The following MRRF variants were observed in gnomAD, a reference collection of about 807,000 sequenced individuals.
MRRF encodes mitochondrial ribosome recycling factor.
In MRRF, 18 loss-of-function variants were observed where a neutral mutation model predicts 25.1. The observed-to-expected ratio is 0.72, with a 90% CI of 0.50 to 1.06. The LOEUF is 1.06. MRRF is among the 50% of genes least tolerant of loss of function. The pLI is 0.00. For synonymous variants in MRRF, 113 were observed against 112.1 expected (o/e 1.01, Z -0.05); for missense variants, 323 against 319.3 (o/e 1.01, Z -0.09).
intron 2 of MRRF, among the ~76,000 whole-genome samples, chr9:122,271,546 C>T (rs188996474): frequency 1.3e-5 from 2 of 152,340 alleles, no homozygotes; most frequent in Admixed American, 1.3e-4. Context: ...CAGGTCTCAG[C>T]TTAAATGCTA....
rs563602060 is a variant in MRRF, at chr9:122,297,181, C to T, written c.551+5341C>T. Among the ~76,000 whole-genome samples, 11 of 152,222 alleles carry T rather than the reference C, an allele frequency of 7.2e-5. No individual in the cohort carries two copies. In the South Asian group the frequency reaches 8.3e-4, roughly 11 times the overall value. On this transcript the variant is annotated intron_variant, in intron 5 of 6. Transcript: ENST00000344641. Reference sequence around the variant, plus strand: ...TACAAAAATTAGCTGGGCATGGTGGCGTGCGCCTGTAATCCCAGCTACTCA... The same window carrying T: ...TACAAAAATTAGCTGGGCATGGTGGTGTGCGCCTGTAATCCCAGCTACTCA...
At chr9:122,273,875 AT>A (rs1488428282) in intron 2 of MRRF, among the ~76,000 whole-genome samples, 1 of 152,078 alleles carries the variant, frequency 6.6e-6, no homozygotes, top group African/African-American at 2.4e-5. Flanking sequence ...GTGCATTTTT[AT>A]TTTTTTAATG....
chr9:122,280,303 T>G, intron 2 of MRRF, 140 bp from the exon 3 acceptor site: 1 of 922,488 alleles, frequency 1.1e-6, no homozygotes, highest in South Asian at 1.5e-5. Context: ...ATATAGGCTC[T>G]TTTTTAGTGG....
rs1836154589 is a variant in MRRF, at chr9:122,326,766, G to A, written c.*4149G>A. Reference sequence around the variant, plus strand: ...CTACAGTCGGCCAGGTTCCATGCTAGACCCTTTACACGTGTTCCCACATTG... The same window carrying A: ...CTACAGTCGGCCAGGTTCCATGCTAAACCCTTTACACGTGTTCCCACATTG... On this transcript the variant is annotated 3_prime_UTR_variant, in exon 7 of 7. Coordinates refer to ENST00000344641, the MANE Select transcript of MRRF (RefSeq NM_138777.5). 6.6e-6 allele frequency: 1 copy of A among 152,120 alleles called. No individual in the cohort carries two copies. 9.4% of individuals were successfully genotyped at this position (152,120 alleles called of 1,614,324 possible). A position where few individuals can be genotyped will look rare whatever the true frequency, so the allele number is the denominator to read the frequency against.
intron 4 of MRRF, among the ~76,000 whole-genome samples, chr9:122,288,097 ATTTG>A (rs1833521958): frequency 6.6e-6 from 1 of 152,118 alleles, no homozygotes; most frequent in Non-Finnish European, 1.5e-5. Flanking sequence ...ACTGTGTTGC[ATTTG>A]TTTAACATGT....
At chr9:122,308,860 AC>A (rs762013575) in intron 5 of MRRF, among the ~76,000 whole-genome samples, 26 of 152,054 alleles carry the variant, frequency 1.7e-4, no homozygotes, top group Non-Finnish European at 3.5e-4. Context: ...ATACCATGAC[AC>A]CTGGCTAATT....
At position 122,271,001 on chromosome 9, in the gene MRRF, GACA is replaced by G. The variant is rs758902181; in HGVS notation, c.114_116del (p.Gln38del). On this transcript the variant is annotated inframe_deletion, in exon 2 of 7. Coordinates refer to ENST00000344641, the MANE Select transcript of MRRF (RefSeq NM_138777.5). ...GTTACACTGAAGACAGTGCATGAAAGACAACATGGCCATAGGCAATACATGGCC... is the reference window on the plus strand; with the variant it reads ...GTTACACTGAAGACAGTGCATGAAAGACATGGCCATAGGCAATACATGGCC... 2.5e-6 allele frequency: 4 copies of G among 1,614,158 alleles called. No individual in the cohort carries two copies. The highest frequency in any genetic ancestry group is 3.4e-6 in the Non-Finnish European group (4 of 1,180,020).
intron 4 of MRRF, chr9:122,285,647 C>A: frequency 1.4e-6 from 1 of 698,440 alleles, no homozygotes; most frequent in Non-Finnish European, 2.1e-6. Flanking sequence ...CATTGCCAGG[C>A]ACAATGTAGG....
At position 122,330,518 on chromosome 9, in the gene MRRF, T is replaced by A. The variant is rs1588102454; in HGVS notation, c.*7901T>A. The stretch of plus-strand genomic sequence containing the variant: ...TACTCCCCAGGCCTCCTCTTCCTGA[T>A]AATAATAGTGGCTAACAAGTTTTAC... On this transcript the variant is annotated 3_prime_UTR_variant, in exon 7 of 7. Transcript: ENST00000344641. This position sits in a 1 kb window ranked among gnomAD's most constrained non-coding sequence, Gnocchi z 4.2. The A allele has an allele frequency of 6.6e-6, 1 of 152,258 alleles. No individual in the cohort carries two copies. The highest frequency in any genetic ancestry group is 2.4e-5 in the African/African-American group (1 of 41,460). The allele number at this position is 152,258 out of a possible 1,614,324, so 9.4% of individuals were successfully genotyped here. A position where few individuals can be genotyped will look rare whatever the true frequency, so the allele number is the denominator to read the frequency against.
intron 6 of MRRF, among the ~76,000 whole-genome samples, chr9:122,317,532 A>G (rs144250895): frequency 0.015 from 2,234 of 152,292 alleles, 25 homozygotes; most frequent in Non-Finnish European, 0.023. Context: ...AAATTGTTTT[A>G]CATTCATTAG....
chr9:122,272,978 T>C (rs1832552173), intron 2 of MRRF, among the ~76,000 whole-genome samples: 1 of 152,228 alleles, frequency 6.6e-6, no homozygotes, highest in Non-Finnish European at 1.5e-5. Flanking sequence ...GAGCTGTTGA[T>C]TTTATTGAAC....
At chr9:122,278,133 A>G (rs1564476258) in intron 2 of MRRF, among the ~76,000 whole-genome samples, 2 of 151,056 alleles carry the variant, frequency 1.3e-5, no homozygotes, top group African/African-American at 4.9e-5. Context: ...AAATTTCTTT[A>G]TCCCTCTCTC....
rs765131163 is a variant in MRRF, at chr9:122,274,533, GGTGTGTGTGTGT to G, written c.184+3489_184+3500del. ...CTTGCCTGTAAAGTAATATGAATCT[GGTGTGTGTGTGT>G]GTGTGTGTGTGTGTGTGTGTGTGTG... On this transcript the variant is annotated intron_variant, in intron 2 of 6. Coordinates refer to ENST00000344641, the MANE Select transcript of MRRF (RefSeq NM_138777.5). 8.3e-3 allele frequency among the ~76,000 whole-genome samples: 1,172 copies of G among 140,634 alleles called. 8 individuals are homozygous for G. The highest frequency in any genetic ancestry group is 0.021 in the African/African-American group (769 of 37,288). 92.3% of individuals were successfully genotyped at this position (140,634 alleles called of 152,430 possible).
At chr9:122,286,162 A>G (rs1833394266) in intron 4 of MRRF, 27 of 1,285,230 alleles carry the variant, frequency 2.1e-5, no homozygotes, top group Non-Finnish European at 2.6e-5. Flanking sequence ...ATCTGCTAAT[A>G]TAAGGTGAAG....
At position 122,283,339 on chromosome 9, in the gene MRRF, C is replaced by T. The variant is rs181478235; in HGVS notation, c.341-1830C>T. 2.1e-3 allele frequency among the ~76,000 whole-genome samples: 324 copies of T among 152,146 alleles called. 1 individual carries two copies. The highest frequency in any genetic ancestry group is 7.5e-3 in the African/African-American group (311 of 41,502). On this transcript the variant is annotated intron_variant, in intron 3 of 6. Coordinates refer to ENST00000344641, the MANE Select transcript of MRRF (RefSeq NM_138777.5). ...CAAACTCCTGACCTCGTGATCCACC[C>T]GCCTCAGCCTCCCAAAGTGCTGGGA...
At chr9:122,313,117 C>T (rs1396940121) in intron 5 of MRRF, 110 bp from the exon 6 acceptor site, 1 of 1,149,518 alleles carries the variant, frequency 8.7e-7, no homozygotes, top group Non-Finnish European at 1.3e-6. Context: ...GTTCAGCCCA[C>T]AGAGAGGAAA....
In MRRF at chr9:122,327,692, G is replaced by A. The variant is rs189750040; in HGVS notation, c.*5075G>A. On this transcript the variant is annotated 3_prime_UTR_variant, in exon 7 of 7. Coordinates refer to ENST00000344641, the MANE Select transcript of MRRF (RefSeq NM_138777.5). ...GATTCTGCTTTGTGAAAGTACTGCTGTGTTGTTTTATACATAGCGCTCCAG... is the reference window on the plus strand; with the variant it reads ...GATTCTGCTTTGTGAAAGTACTGCTATGTTGTTTTATACATAGCGCTCCAG... The A allele has an allele frequency of 4.6e-5, 7 of 152,288 alleles. No individual in the cohort carries two copies. The highest frequency in any genetic ancestry group is 1.3e-4 in the Admixed American group (2 of 15,292). The allele number at this position is 152,288 out of a possible 1,614,324, so 9.4% of individuals were successfully genotyped here.
intron 1 of MRRF, among the ~76,000 whole-genome samples, chr9:122,269,087 A>G (rs1832291706): frequency 6.6e-6 from 1 of 150,424 alleles, no homozygotes; most frequent in Admixed American, 6.6e-5. Context: ...AATGGCGTGT[A>G]CCCGGGAGGC....
At chr9:122,280,300 C>T (rs1465905705) in intron 2 of MRRF, 143 bp from the exon 3 acceptor site, 10 of 867,826 alleles carry the variant, frequency 1.2e-5, no homozygotes, top group South Asian at 1.5e-5. Flanking sequence ...TTAATATAGG[C>T]TCTTTTTTAG....
Sources: gnomAD v4.1 joint callset for allele counts (sites outside exome capture counted in the v4.1 genomes callset) on GRCh38, gnomAD v4.1.1 for gene constraint, Gnocchi (gnomAD v3.1) non-coding constraint, MANE v1.5 for transcripts, NCBI Gene and HGNC (gene_info 2026-07-23, HGNC 2026-07-21) for gene names.